The following CEP43 variants were observed in gnomAD, a reference collection of about 807,000 sequenced individuals.
CEP43 encodes centrosomal protein 43, also known as FGFR1 oncogene partner.
CEP43 carries 36 observed loss-of-function variants against 52.6 expected under a neutral mutation model. That is an observed-to-expected ratio of 0.68 (90% CI 0.52 to 0.90). The LOEUF is 0.90. CEP43 is among the 40% of genes least tolerant of loss of function. The pLI, the probability that CEP43 is intolerant of heterozygous loss-of-function variation, is 0.00. For missense variants in CEP43, 506 were observed against 472.8 expected (o/e 1.07, Z -0.65); for synonymous variants, 192 against 172.4 (o/e 1.11, Z -0.89).
rs1397041689 is a variant in CEP43, at chr6:167,046,408, G to T, written c.*6430G>T. The T allele has an allele frequency of 6.6e-6, 1 of 152,098 alleles. No individual in the cohort carries two copies. The highest frequency in any genetic ancestry group is 1.5e-5 in the Non-Finnish European group (1 of 68,020). The allele number at this position is 152,098 out of a possible 1,614,324, so 9.4% of individuals were successfully genotyped here. On this transcript the variant is annotated 3_prime_UTR_variant, in exon 13 of 13. Coordinates refer to ENST00000366847, the MANE Select transcript of CEP43 (RefSeq NM_007045.4). ...AAATGGAAGGAGGAAGGAAGGAAGG[G>T]AAAGAATGAAGAAAGCCATTTGTTC...
chr6:167,021,642 T>C (rs1474049973), intron 7 of CEP43, among the ~76,000 whole-genome samples: 1 of 152,198 alleles, frequency 6.6e-6, no homozygotes, highest in Non-Finnish European at 1.5e-5. Context: ...GTAACATCAC[T>C]CTGTATCCAA....
chr6:167,006,100 C>T (rs1320515526), intron 5 of CEP43, among the ~76,000 whole-genome samples: 4 of 152,230 alleles, frequency 2.6e-5, no homozygotes, highest in African/African-American at 9.6e-5. Flanking sequence ...AGTATCGCGC[C>T]TACAGGTCTG....
intron 12 of CEP43, among the ~76,000 whole-genome samples, chr6:167,035,712 G>A (rs1198697617): frequency 2.6e-5 from 4 of 151,982 alleles, no homozygotes; most frequent in African/African-American, 7.3e-5. Context: ...GACTACAGGC[G>A]CCTGCCACCA....
At chr6:167,024,965 G>T in intron 9 of CEP43, 71 bp downstream of exon 9, 2 of 844,778 alleles carry the variant, frequency 2.4e-6, no homozygotes, top group South Asian at 1.6e-5. Context: ...TGTGATTATT[G>T]TTGATTTTTT....
intron 5 of CEP43, among the ~76,000 whole-genome samples, chr6:167,010,534 T>C (rs1181241480): frequency 6.6e-6 from 1 of 152,222 alleles, no homozygotes; most frequent in Non-Finnish European, 1.5e-5. Context: ...AAGTAAATCC[T>C]GGAATGGTAG....
At chr6:167,024,969 AT>A (rs373374377) in intron 9 of CEP43, 75 bp downstream of exon 9, 15 of 820,088 alleles carry the variant, frequency 1.8e-5, no homozygotes, top group East Asian at 2.5e-5. Context: ...ATTATTGTTG[AT>A]TTTTTTTCCC....
At chr6:167,016,870 C>G (rs774646611) in intron 7 of CEP43, among the ~76,000 whole-genome samples, 10 of 152,140 alleles carry the variant, frequency 6.6e-5, no homozygotes, top group Non-Finnish European at 1.2e-4. Flanking sequence ...ATTTTAAATA[C>G]AGTCAGCCTC....
At chr6:167,023,191 G>C (rs1479215616) in intron 8 of CEP43, among the ~76,000 whole-genome samples, 1 of 152,130 alleles carries the variant, frequency 6.6e-6, no homozygotes. Context: ...GCAAGATGGG[G>C]ATCGGATGAG....
At chr6:167,036,025 A>G (rs1350805709) in intron 12 of CEP43, 2 of 980,442 alleles carry the variant, frequency 2.0e-6, no homozygotes, top group South Asian at 4.7e-5. Context: ...TGTAGTCACA[A>G]TAGACATTTC....
At chr6:166,999,700 G>T in intron 1 of CEP43, 186 bp downstream of exon 1, 1 of 476,870 alleles carries the variant, frequency 2.1e-6, no homozygotes, top group Non-Finnish European at 3.6e-6. Flanking sequence ...TCGTTCGTTC[G>T]TGTGGTCCCG....
In CEP43 at chr6:167,050,267, T is replaced by C. The variant is rs1736970169; in HGVS notation, c.*10289T>C. ...GAAGGTGCCTTGCTTCTCCTTTGCC[T>C]TCTGCCATGAGTGTAAGTTTCATGA... On this transcript the variant is annotated 3_prime_UTR_variant, in exon 13 of 13. Transcript: ENST00000366847. 6.6e-6 allele frequency: 1 copy of C among 152,438 alleles called. No homozygotes were observed. Among genetic ancestry groups the C allele is most frequent in the Non-Finnish European group, 1.5e-5 (1 of 68,226 alleles). 9.4% of individuals were successfully genotyped at this position (152,438 alleles called of 1,614,324 possible). A position where few individuals can be genotyped will look rare whatever the true frequency, so the allele number is the denominator to read the frequency against.
chr6:167,037,645 A>G (rs1780609823), intron 12 of CEP43, among the ~76,000 whole-genome samples: 1 of 152,226 alleles, frequency 6.6e-6, no homozygotes, highest in Admixed American at 6.5e-5. Context: ...TACAACTTAA[A>G]TTTCTGAATA....
At chr6:167,032,094 C>T (rs762564144) in intron 10 of CEP43, among the ~76,000 whole-genome samples, 2 of 152,232 alleles carry the variant, frequency 1.3e-5, no homozygotes, top group Non-Finnish European at 2.9e-5. Context: ...GGGCACCTCA[C>T]ATTCCCAGGT....
chr6:167,016,401 T>C (rs1400981165), intron 7 of CEP43, among the ~76,000 whole-genome samples: 1 of 152,156 alleles, frequency 6.6e-6, no homozygotes, highest in Non-Finnish European at 1.5e-5. Context: ...AACAGGTGCA[T>C]GCCAGCACAG....
Position 167,031,509 on chromosome 6 carries a change from G to T in CEP43, c.989-1094G>T, listed in dbSNP as rs571616995. On this transcript the variant is annotated intron_variant, in intron 10 of 12. Transcript: ENST00000366847. ...GGTTGATAAATTAATCATATGATTT[G>T]GCTGTAAGAGAATTACATTGTCTAA... Among the ~76,000 whole-genome samples, 12 of 152,340 alleles carry T rather than the reference G, an allele frequency of 7.9e-5. No homozygotes were observed. The South Asian group carries it at 2.5e-3, about 32-fold the overall frequency.
At chr6:167,032,013 C>T (rs761074379) in intron 10 of CEP43, among the ~76,000 whole-genome samples, 6 of 152,096 alleles carry the variant, frequency 3.9e-5, no homozygotes, top group African/African-American at 4.8e-5. Flanking sequence ...CATCATGTAC[C>T]TGAATCCTTA....
At chr6:167,019,572 G>A (rs117919146) in intron 7 of CEP43, among the ~76,000 whole-genome samples, 1,650 of 152,290 alleles carry the variant, frequency 0.011, 17 homozygotes, top group Non-Finnish European at 0.019. Context: ...ACTAGATTTT[G>A]AGAGCAGTTC....
chr6:167,011,121 T>C (rs1245814338), intron 6 of CEP43, among the ~76,000 whole-genome samples: 1 of 152,206 alleles, frequency 6.6e-6, no homozygotes, highest in Non-Finnish European at 1.5e-5. Flanking sequence ...TGCTGGTAAG[T>C]AACAGAATCA....
intron 11 of CEP43, 92 bp from the exon 12 acceptor site, chr6:167,033,783 A>T: frequency 1.8e-6 from 1 of 557,754 alleles, no homozygotes; most frequent in Non-Finnish European, 3.1e-6. Flanking sequence ...TACTTAAAGG[A>T]TTAAAAGAAA....
Sources: allele counts gnomAD v4.1 joint callset (sites outside exome capture counted in the v4.1 genomes callset), GRCh38; gene constraint gnomAD v4.1.1; transcripts MANE v1.5; gene names NCBI Gene and HGNC (gene_info 2026-07-23, HGNC 2026-07-21).